ADCK1: variants seen among roughly 807,000 people sequenced by gnomAD.
The protein encoded by ADCK1 is aarF domain containing kinase 1.
ADCK1 carries 41 observed loss-of-function variants against 52.3 expected under a neutral mutation model. That is an observed-to-expected ratio of 0.78 (90% confidence interval 0.61 to 1.02). The LOEUF (loss-of-function observed/expected upper bound fraction) is 1.02, where lower values mean the gene tolerates loss of function less well. Among genes scored for constraint, ADCK1 ranks in the 50% least tolerant of loss-of-function variants. ADCK1 has a pLI of 0.00. For missense variants in ADCK1, 658 were observed against 679.5 expected (o/e 0.97, Z 0.35); for synonymous variants, 250 against 274.6 (o/e 0.91, Z 0.89).
intron 1 of ADCK1, among the ~76,000 whole-genome samples, chr14:77,802,195 T>C (rs2081123756): frequency 2.6e-5 from 4 of 152,070 alleles, no homozygotes; most frequent in African/African-American, 7.2e-5. Flanking sequence ...TCCTTATCCA[T>C]AGATTGAAGC....
At chr14:77,916,375 A>G (rs1048287890) in intron 7 of ADCK1, among the ~76,000 whole-genome samples, 4 of 152,272 alleles carry the variant, frequency 2.6e-5, no homozygotes, top group African/African-American at 7.2e-5. Context: ...AACCTAGAGA[A>G]GCTTTCACTA....
intron 7 of ADCK1, among the ~76,000 whole-genome samples, chr14:77,909,148 TC>T (rs1555358638): frequency 6.7e-6 from 1 of 148,708 alleles, no homozygotes; most frequent in Admixed American, 6.7e-5. Context: ...TTTTTTTTTT[TC>T]CCTGAGACGG....
At chr14:77,890,650 G>A (rs901863404) in intron 5 of ADCK1, among the ~76,000 whole-genome samples, 1 of 152,146 alleles carries the variant, frequency 6.6e-6, no homozygotes, top group African/African-American at 2.4e-5. Flanking sequence ...TGTCATATGG[G>A]AGATCAAATC....
intron 6 of ADCK1, among the ~76,000 whole-genome samples, chr14:77,907,152 A>C (rs1209362488): frequency 2.6e-5 from 4 of 152,138 alleles, no homozygotes; most frequent in Non-Finnish European, 5.9e-5. Context: ...GAGCTCAAGC[A>C]ATCCACCTGC....
chr14:77,841,498 A>G (rs997558069), intron 3 of ADCK1, among the ~76,000 whole-genome samples: 1 of 151,978 alleles, frequency 6.6e-6, no homozygotes, highest in Middle Eastern at 3.2e-3. Context: ...GTGGAGAATA[A>G]TAGGCTGAAC....
intron 8 of ADCK1, 67 bp downstream of exon 8, chr14:77,924,673 A>C: frequency 6.3e-7 from 1 of 1,585,432 alleles, no homozygotes; most frequent in Non-Finnish European, 8.6e-7. Flanking sequence ...CACTCTAATT[A>C]GCTGCAGAAC....
chr14:77,821,615 T>TTA (rs2081583936), intron 2 of ADCK1, among the ~76,000 whole-genome samples: 1 of 151,928 alleles, frequency 6.6e-6, no homozygotes. Flanking sequence ...GCGCGGTGGC[T>TTA]CATGCCTGTA....
chr14:77,881,614 T>A (rs571768256), intron 4 of ADCK1, among the ~76,000 whole-genome samples: 1 of 152,360 alleles, frequency 6.6e-6, no homozygotes, highest in Admixed American at 6.5e-5. Flanking sequence ...GCATGTCACT[T>A]CCATGCTTAG....
At chr14:77,874,265 G>T (rs924488091) in intron 4 of ADCK1, among the ~76,000 whole-genome samples, 4 of 152,220 alleles carry the variant, frequency 2.6e-5, no homozygotes, top group Admixed American at 6.5e-5. Context: ...AAGAGCTATA[G>T]ACTGAACTTT....
chr14:77,888,939 C>A (rs2083221950), intron 5 of ADCK1, among the ~76,000 whole-genome samples: 1 of 152,134 alleles, frequency 6.6e-6, no homozygotes, highest in South Asian at 2.1e-4. Context: ...CCCCCATAAG[C>A]CCCACATGTT....
intron 1 of ADCK1, 42 bp from the exon 2 acceptor site, chr14:77,818,926 C>CT: frequency 1.2e-6 from 2 of 1,602,466 alleles, no homozygotes; most frequent in Non-Finnish European, 1.7e-6. Context: ...AACTATGAAA[C>CT]TTTTAACTGC....
intron 6 of ADCK1, 113 bp downstream of exon 6, chr14:77,899,371 G>A: frequency 7.2e-7 from 1 of 1,383,688 alleles, no homozygotes; most frequent in East Asian, 2.3e-5. Context: ...TCTTCTTCCT[G>A]AGTCCTCTTA....
chr14:77,863,496 G>T (rs1324702425), intron 4 of ADCK1, among the ~76,000 whole-genome samples: 2 of 151,930 alleles, frequency 1.3e-5, no homozygotes, highest in Non-Finnish European at 2.9e-5. Context: ...ATCTATACCT[G>T]CCCCCATGAC....
chr14:77,805,544 G>A (rs959717529), intron 1 of ADCK1, among the ~76,000 whole-genome samples: 2 of 152,072 alleles, frequency 1.3e-5, no homozygotes, highest in Admixed American at 1.3e-4. Flanking sequence ...TTACAGGCGT[G>A]AGCCACTGTG....
At chr14:77,823,540 T>A (rs1348925401) in intron 3 of ADCK1, among the ~76,000 whole-genome samples, 1 of 151,980 alleles carries the variant, frequency 6.6e-6, no homozygotes, top group Admixed American at 6.6e-5. Context: ...TTTGCCCATC[T>A]TGTTAGTCAT....
At position 77,914,349 on chromosome 14, in the gene ADCK1, C is replaced by T. The variant is rs182784298; in HGVS notation, c.858+6430C>T. On this transcript the variant is annotated intron_variant, in intron 7 of 10. Coordinates refer to ENST00000238561, the MANE Select transcript of ADCK1 (RefSeq NM_020421.4). ...GTGGGGTTCGTGAAGGAGTAGAGTCCGTGGCCTGGGTTCCACCTGCCATGC... is the reference window on the plus strand; with the variant it reads ...GTGGGGTTCGTGAAGGAGTAGAGTCTGTGGCCTGGGTTCCACCTGCCATGC... 432 of 949,014 alleles carry T rather than the reference C, an allele frequency of 4.6e-4. 3 individuals carry two copies. The East Asian group carries it at 0.02, about 44-fold the overall frequency. 58.8% of individuals were successfully genotyped at this position (949,014 alleles called of 1,614,324 possible).
intron 1 of ADCK1, among the ~76,000 whole-genome samples, chr14:77,815,520 A>ATTT (rs371572865): frequency 7.6e-6 from 1 of 131,118 alleles, no homozygotes. Context: ...AGGCACCTGC[A>ATTT]TTTTTTTTTT....
chr14:77,869,614 A>G (rs2082733028), intron 4 of ADCK1, among the ~76,000 whole-genome samples: 1 of 152,224 alleles, frequency 6.6e-6, no homozygotes, highest in South Asian at 2.1e-4. Flanking sequence ...TCAACCCACA[A>G]CAGATGGGTG....
At chr14:77,886,974 C>A in intron 4 of ADCK1, 117 bp from the exon 5 acceptor site, 1 of 1,134,854 alleles carries the variant, frequency 8.8e-7, no homozygotes, top group Non-Finnish European at 1.2e-6. Flanking sequence ...CTCTCTCTTT[C>A]TCTCTCAAAT....
Sources: allele counts gnomAD v4.1 joint callset (sites outside exome capture counted in the v4.1 genomes callset), GRCh38; gene constraint gnomAD v4.1.1; transcripts MANE v1.5; gene names NCBI Gene and HGNC (gene_info 2026-07-23, HGNC 2026-07-21).